ESRRG: variants seen among roughly 807,000 people sequenced by gnomAD.
ESRRG encodes estrogen related receptor gamma, also known as estrogen-related receptor gamma.
ESRRG carries 13 observed loss-of-function variants against 44.0 expected under a neutral mutation model. That is an observed-to-expected ratio of 0.30 (90% CI 0.19 to 0.47). The LOEUF (loss-of-function observed/expected upper bound fraction) is 0.47, where lower values mean the gene tolerates loss of function less well. ESRRG is among the 20% of genes least tolerant of loss of function. The pLI, the probability that ESRRG is intolerant of heterozygous loss-of-function variation, is 1.00. For synonymous variants in ESRRG, 215 were observed against 214.6 expected (o/e 1.00, Z -0.02); for missense variants, 395 against 580.6 (o/e 0.68, Z 3.29).
intron 5 of ESRRG, among the ~76,000 whole-genome samples, chr1:216,541,323 A>G (rs956012215): frequency 1.3e-5 from 2 of 152,164 alleles, no homozygotes; most frequent in East Asian, 3.9e-4. Context: ...GATCATATCA[A>G]TTTGCAACAA....
At chr1:216,801,556 C>G (rs746861819) in intron 2 of ESRRG, among the ~76,000 whole-genome samples, 7 of 152,154 alleles carry the variant, frequency 4.6e-5, no homozygotes, top group Non-Finnish European at 8.8e-5. Context: ...TACATGCTCA[C>G]CAAGAGTGTA....
intron 1 of ESRRG, among the ~76,000 whole-genome samples, chr1:217,042,229 A>T (rs1398547898): frequency 6.6e-6 from 1 of 152,220 alleles, no homozygotes; most frequent in African/African-American, 2.4e-5. Flanking sequence ...AATTATGGAA[A>T]TAGAGAAAGC....
At chr1:216,712,494 T>C (rs1017273105) in intron 1 of ESRRG, among the ~76,000 whole-genome samples, 1 of 152,168 alleles carries the variant, frequency 6.6e-6, no homozygotes, top group East Asian at 1.9e-4. Flanking sequence ...TTGCATGTAG[T>C]ATTGGCGACG....
chr1:216,520,956 G>T (rs545733935), intron 5 of ESRRG, among the ~76,000 whole-genome samples: 1 of 152,114 alleles, frequency 6.6e-6, no homozygotes, highest in Admixed American at 6.6e-5. Flanking sequence ...AGGATTTCCT[G>T]ACCTATTGGT....
chr1:217,133,645 C>CTCTCTCTT (rs1266397788), intron 1 of ESRRG, among the ~76,000 whole-genome samples: 48 of 91,808 alleles, frequency 5.2e-4, no homozygotes, highest in African/African-American at 9.3e-4. Flanking sequence ...CTCTCTCTCT[C>CTCTCTCTT]TCTTTCTTTC....
At chr1:216,896,148 G>C (rs1469022944) in intron 2 of ESRRG, among the ~76,000 whole-genome samples, 1 of 151,938 alleles carries the variant, frequency 6.6e-6, no homozygotes, top group Non-Finnish European at 1.5e-5. Flanking sequence ...CTCATATCTG[G>C]AAAAAAATAG....
At chr1:217,053,133 TAA>T (rs71303007) in intron 1 of ESRRG, among the ~76,000 whole-genome samples, 43,517 of 118,774 alleles carry the variant, frequency 0.37, 7,784 homozygotes, top group Admixed American at 0.41. Flanking sequence ...AATCCCATCT[TAA>T]AAAAAAAAAA....
At chr1:217,089,070 T>C (rs932446308) in intron 1 of ESRRG, among the ~76,000 whole-genome samples, 6 of 151,832 alleles carry the variant, frequency 4.0e-5, no homozygotes, top group Admixed American at 3.9e-4. Context: ...ATGACAGCAG[T>C]CCTCAACTCC....
At chr1:217,133,627 T>TCTC (rs1558298046) in intron 1 of ESRRG, among the ~76,000 whole-genome samples, 1 of 38,802 alleles carries the variant, frequency 2.6e-5, no homozygotes, top group African/African-American at 6.8e-5. Context: ...CTTTCTTTCT[T>TCTC]TCTTTCTCTC....
chr1:216,835,215 A>G (rs992960286), intron 2 of ESRRG, among the ~76,000 whole-genome samples: 9 of 152,206 alleles, frequency 5.9e-5, no homozygotes, highest in African/African-American at 1.9e-4. Flanking sequence ...TTAAATTTAA[A>G]GGAGTTTAAC....
chr1:216,891,949 G>A (rs943068600), intron 2 of ESRRG, among the ~76,000 whole-genome samples: 20 of 151,890 alleles, frequency 1.3e-4, no homozygotes, highest in Non-Finnish European at 2.6e-4. Flanking sequence ...TGGGACAACA[G>A]GCATGTGCCA....
intron 1 of ESRRG, among the ~76,000 whole-genome samples, chr1:216,942,099 A>C (rs182528450): frequency 6.7e-6 from 1 of 149,950 alleles, no homozygotes; most frequent in Non-Finnish European, 1.5e-5. Flanking sequence ...CCCAGTGTCT[A>C]TTGTTCTCAT....
At chr1:216,816,067 C>A (rs899520717) in intron 2 of ESRRG, among the ~76,000 whole-genome samples, 1 of 152,142 alleles carries the variant, frequency 6.6e-6, no homozygotes, top group African/African-American at 2.4e-5. Context: ...TAGGAAAAGC[C>A]AACTTGAACT....
intron 2 of ESRRG, among the ~76,000 whole-genome samples, chr1:216,808,402 TC>T (rs1174483525): frequency 6.6e-6 from 1 of 152,090 alleles, no homozygotes; most frequent in Non-Finnish European, 1.5e-5. Context: ...TGAGAGAGCA[TC>T]AATGAATCTA....
intron 1 of ESRRG, among the ~76,000 whole-genome samples, chr1:217,030,309 T>C (rs1189149439): frequency 6.6e-6 from 1 of 152,126 alleles, no homozygotes; most frequent in Non-Finnish European, 1.5e-5. Flanking sequence ...AGACCATAAG[T>C]AGAACCAGAC....
intron 1 of ESRRG, among the ~76,000 whole-genome samples, chr1:217,111,129 C>A (rs1202512235): frequency 6.6e-6 from 1 of 152,146 alleles, no homozygotes; most frequent in African/African-American, 2.4e-5. Flanking sequence ...AAATAGAATA[C>A]AGGTCAGACA....
At chr1:217,062,852 C>T (rs1266815569) in intron 1 of ESRRG, among the ~76,000 whole-genome samples, 1 of 152,166 alleles carries the variant, frequency 6.6e-6, no homozygotes, top group African/African-American at 2.4e-5. Context: ...ATTTCTTTCC[C>T]TTCCAGGATT....
At chr1:216,917,203 A>G (rs1173370466) in intron 2 of ESRRG, among the ~76,000 whole-genome samples, 1 of 150,140 alleles carries the variant, frequency 6.7e-6, no homozygotes, top group Non-Finnish European at 1.5e-5. Flanking sequence ...TCAAGATTAC[A>G]GAAGTGAAAT....
intron 2 of ESRRG, among the ~76,000 whole-genome samples, chr1:216,763,544 A>G (rs1394484698): frequency 6.6e-6 from 1 of 152,156 alleles, no homozygotes; most frequent in Non-Finnish European, 1.5e-5. Context: ...TATCAAAGAG[A>G]AAACTGGTCA....
Sources: gnomAD v4.1 joint callset for allele counts (sites outside exome capture counted in the v4.1 genomes callset) on GRCh38, gnomAD v4.1.1 for gene constraint, MANE v1.5 for transcripts, NCBI Gene and HGNC (gene_info 2026-07-23, HGNC 2026-07-21) for gene names.